The following RASSF3 variants were observed in gnomAD, a reference collection of about 807,000 sequenced individuals.
The protein encoded by RASSF3 is ras association domain-containing protein 3.
RASSF3 carries 19 observed loss-of-function variants against 19.9 expected under a neutral mutation model. The ratio of observed to expected loss-of-function variants is 0.96; its 90% CI spans 0.67 to 1.40. The LOEUF is 1.40. Among genes scored for constraint, RASSF3 ranks in the 40% most tolerant of loss-of-function variants. RASSF3 has a pLI of 0.00. For missense variants in RASSF3, 306 were observed against 289.8 expected, an observed-to-expected ratio of 1.06 and a Z score of -0.41; for synonymous variants, 110 against 104.2, an observed-to-expected ratio of 1.06 and a Z score of -0.34.
intron 1 of RASSF3, among the ~76,000 whole-genome samples, chr12:64,647,594 G>A (rs1871784253): frequency 6.6e-6 from 1 of 151,900 alleles, no homozygotes. Flanking sequence ...GTATTTTTTA[G>A]TAGAGACGGG....
At chr12:64,522,217 G>A (rs750208561) in intron 1 of RASSF3, among the ~76,000 whole-genome samples, 2 of 152,090 alleles carry the variant, frequency 1.3e-5, no homozygotes, top group Non-Finnish European at 2.9e-5. Context: ...GTTACAGGGT[G>A]GATATTCTCC....
At chr12:64,617,245 A>G (rs1051663315) in intron 1 of RASSF3, among the ~76,000 whole-genome samples, 13 of 152,242 alleles carry the variant, frequency 8.5e-5, no homozygotes, top group Admixed American at 5.9e-4. Flanking sequence ...TTACTGGTTA[A>G]GCATAACTCA....
chr12:64,623,040 C>T (rs1276101693), intron 1 of RASSF3, among the ~76,000 whole-genome samples: 2 of 151,932 alleles, frequency 1.3e-5, no homozygotes, highest in Non-Finnish European at 2.9e-5. Flanking sequence ...AGGCTGGTCT[C>T]GAACCCCTGA....
intron 2 of RASSF3, among the ~76,000 whole-genome samples, chr12:64,552,972 A>G (rs1204140785): frequency 6.6e-6 from 1 of 152,138 alleles, no homozygotes; most frequent in Non-Finnish European, 1.5e-5. Flanking sequence ...GTACTTTGGG[A>G]GGCCAAGGCG....
At chr12:64,624,313 G>A (rs993226231) in intron 1 of RASSF3, among the ~76,000 whole-genome samples, 6 of 151,988 alleles carry the variant, frequency 3.9e-5, no homozygotes, top group African/African-American at 1.5e-4. Context: ...AGAACTATAG[G>A]CTAAAAGGGT....
At chr12:64,554,637 A>C (rs947370163) in intron 2 of RASSF3, among the ~76,000 whole-genome samples, 6 of 152,174 alleles carry the variant, frequency 3.9e-5, no homozygotes, top group African/African-American at 1.2e-4. Flanking sequence ...GGGGAAAAGG[A>C]TCAGAGACTG....
intron 2 of RASSF3, among the ~76,000 whole-genome samples, chr12:64,686,381 G>A (rs1342172343): frequency 6.6e-6 from 1 of 152,156 alleles, no homozygotes; most frequent in Admixed American, 6.5e-5. Context: ...GGGAGGCCGA[G>A]GTGGGCAGAT....
chr12:64,674,590 A>G (rs989653304), intron 1 of RASSF3, among the ~76,000 whole-genome samples: 4 of 152,188 alleles, frequency 2.6e-5, no homozygotes, highest in Non-Finnish European at 5.9e-5. Context: ...CAAACAAACA[A>G]AAGTGTAAAA....
At chr12:64,560,503 A>G (rs7488785) in intron 2 of RASSF3, among the ~76,000 whole-genome samples, 1 of 152,170 alleles carries the variant, frequency 6.6e-6, no homozygotes, top group African/African-American at 2.4e-5. Context: ...CTGCACCTGC[A>G]CTGCATTCTC....
chr12:64,575,370 A>G (rs932980344), intron 2 of RASSF3, among the ~76,000 whole-genome samples: 1 of 152,178 alleles, frequency 6.6e-6, no homozygotes, highest in East Asian at 1.9e-4. Flanking sequence ...TGGCTAACAC[A>G]GTCAAACCCC....
At chr12:64,630,471 A>T (rs1372864056) in intron 1 of RASSF3, among the ~76,000 whole-genome samples, 2 of 152,176 alleles carry the variant, frequency 1.3e-5, no homozygotes, top group Non-Finnish European at 2.9e-5. Context: ...GGCTGCAGTG[A>T]GCTATGGTCA....
rs528996895 is a variant in RASSF3, at chr12:64,516,472, AGCCGGGCGTAGT to A, written c.169+9145_169+9156del. 3.4e-3 allele frequency among the ~76,000 whole-genome samples: 522 copies of A among 151,320 alleles called. 7 individuals carry two copies. The highest frequency in any genetic ancestry group is 0.012 in the African/African-American group (498 of 41,158). ...GTCTCTACTAAAAATACAAAAAATTAGCCGGGCGTAGTGGCGGGCGCCTGTAGTCCCAGCTAC... is the reference window on the plus strand; with the variant it reads ...GTCTCTACTAAAAATACAAAAAATTAGGCGGGCGCCTGTAGTCCCAGCTAC... On this transcript the variant is annotated intron_variant, in intron 1 of 5. Transcript: ENST00000637125.
At chr12:64,649,114 A>G (rs915997929) in intron 1 of RASSF3, among the ~76,000 whole-genome samples, 3 of 146,140 alleles carry the variant, frequency 2.1e-5, no homozygotes, top group African/African-American at 5.4e-5. Context: ...CTACTCATAC[A>G]GCTCTTGAAA....
intron 2 of RASSF3, among the ~76,000 whole-genome samples, chr12:64,556,360 G>C (rs1869256471): frequency 6.6e-6 from 1 of 152,140 alleles, no homozygotes; most frequent in South Asian, 2.1e-4. Flanking sequence ...GTCTTGCCAT[G>C]TTGCCCAGGC....
chr12:64,683,630 A>G (rs1187636454), intron 1 of RASSF3, among the ~76,000 whole-genome samples: 1 of 152,208 alleles, frequency 6.6e-6, no homozygotes, highest in African/African-American at 2.4e-5. Flanking sequence ...GCCAGTTAAT[A>G]CTGATTAACT....
chr12:64,605,121 G>A (rs1870168276), intron 2 of RASSF3, among the ~76,000 whole-genome samples: 1 of 151,892 alleles, frequency 6.6e-6, no homozygotes, highest in Admixed American at 6.6e-5. Context: ...GAGTAGCTGG[G>A]ATTGCAGGCA....
chr12:64,607,389 A>C (rs945042226), upstream of RASSF3, among the ~76,000 whole-genome samples: 1 of 152,106 alleles, frequency 6.6e-6, no homozygotes, highest in East Asian at 1.9e-4. Context: ...TTATTTTCTG[A>C]GGCAGAGTCT....
At chr12:64,598,504 A>T (rs553267534) in intron 2 of RASSF3, among the ~76,000 whole-genome samples, 1 of 152,334 alleles carries the variant, frequency 6.6e-6, no homozygotes, top group African/African-American at 2.4e-5. Context: ...ATAGCACAGC[A>T]GGGAACAAGG....
chr12:64,534,580 G>C (rs766249488), intron 1 of RASSF3, among the ~76,000 whole-genome samples: 20 of 152,310 alleles, frequency 1.3e-4, no homozygotes, highest in Middle Eastern at 3.4e-3. Context: ...GCTGATAAAT[G>C]AGCAACCCCA....
Sources: allele counts gnomAD v4.1 joint callset (sites outside exome capture counted in the v4.1 genomes callset), GRCh38; gene constraint gnomAD v4.1.1; transcripts MANE v1.5; gene names NCBI Gene and HGNC (gene_info 2026-07-23, HGNC 2026-07-21).